The following SLC24A2 variants were observed in gnomAD, a reference collection of about 807,000 sequenced individuals.
SLC24A2 encodes solute carrier family 24 member 2.
In SLC24A2, 36 loss-of-function variants were observed where a neutral mutation model predicts 62.0. The ratio of observed to expected loss-of-function variants is 0.58; its 90% CI spans 0.44 to 0.77. The LOEUF (loss-of-function observed/expected upper bound fraction) is 0.77. Among genes scored for constraint, SLC24A2 ranks in the 30% least tolerant of loss-of-function variants. The pLI, the probability that SLC24A2 is intolerant of heterozygous loss-of-function variation, is 0.00. For synonymous variants in SLC24A2, 358 were observed against 294.0 expected (o/e 1.22, Z -2.23); for missense variants, 846 against 817.9 (o/e 1.03, Z -0.42).
chr9:19,791,534 G>T (rs1381527384), upstream of SLC24A2, among the ~76,000 whole-genome samples: 1 of 152,222 alleles, frequency 6.6e-6, no homozygotes, highest in Non-Finnish European at 1.5e-5. Flanking sequence ...TTCGACTCAA[G>T]ATTTGACAGT....
At chr9:19,894,707 A>G in the SLC24A2 span, among the ~76,000 whole-genome samples, 1 of 152,202 alleles carries the variant, frequency 6.6e-6, no homozygotes, top group Non-Finnish European at 1.5e-5. Context: ...AAGACAATAG[A>G]AAAAGAAAAA....
intron 9 of SLC24A2, among the ~76,000 whole-genome samples, chr9:19,522,310 T>C (rs1833241464): frequency 6.6e-6 from 1 of 152,330 alleles, no homozygotes; most frequent in African/African-American, 2.4e-5. Context: ...TTGGGACTTT[T>C]AAAACCTATT....
chr9:20,043,693 C>A, the SLC24A2 span, among the ~76,000 whole-genome samples: 55 of 152,256 alleles, frequency 3.6e-4, no homozygotes, highest in Middle Eastern at 3.4e-3. Flanking sequence ...ACCGAATGGC[C>A]ACAATCTCAT....
chr9:19,548,575 C>T (rs1834693524), intron 8 of SLC24A2, among the ~76,000 whole-genome samples: 1 of 152,204 alleles, frequency 6.6e-6, no homozygotes, highest in Admixed American at 6.5e-5. Context: ...TCTTGCCAAT[C>T]TGAGTTGAAA....
the SLC24A2 span, among the ~76,000 whole-genome samples, chr9:20,146,747 T>G: frequency 3.3e-5 from 5 of 152,132 alleles, no homozygotes; most frequent in Non-Finnish European, 5.9e-5. Context: ...CAATTCCAAA[T>G]GCAGGTAACC....
At chr9:19,947,364 GGAAA>G in the SLC24A2 span, among the ~76,000 whole-genome samples, 7 of 146,242 alleles carry the variant, frequency 4.8e-5, no homozygotes, top group Non-Finnish European at 1.0e-4. Flanking sequence ...AAGGAAGGAA[GGAAA>G]GAAGGAAGGA....
the SLC24A2 span, among the ~76,000 whole-genome samples, chr9:20,253,170 G>A: frequency 2.0e-5 from 3 of 152,198 alleles, no homozygotes; most frequent in Non-Finnish European, 4.4e-5. Context: ...TTCTAAAGCA[G>A]GGCAAAGAAA....
chr9:19,939,374 C>T, the SLC24A2 span, among the ~76,000 whole-genome samples: 1 of 152,176 alleles, frequency 6.6e-6, no homozygotes, highest in East Asian at 1.9e-4. Flanking sequence ...ATCTGTACAG[C>T]ATGTTACTGT....
the SLC24A2 span, among the ~76,000 whole-genome samples, chr9:20,297,326 T>G: frequency 6.6e-6 from 1 of 152,078 alleles, no homozygotes; most frequent in African/African-American, 2.4e-5. Context: ...ACATTAACCC[T>G]GATGAAGGAG....
chr9:19,773,319 A>C (rs1032647688), intron 2 of SLC24A2, among the ~76,000 whole-genome samples: 1 of 152,236 alleles, frequency 6.6e-6, no homozygotes, highest in African/African-American at 2.4e-5. Context: ...AATGAATTAC[A>C]TCTCAGAAAA....
chr9:19,634,974 G>C (rs1334564733), intron 2 of SLC24A2, among the ~76,000 whole-genome samples: 1 of 152,120 alleles, frequency 6.6e-6, no homozygotes, highest in African/African-American at 2.4e-5. Context: ...GATGATGCTG[G>C]AGATTCACCC....
At chr9:19,987,725 A>G in the SLC24A2 span, among the ~76,000 whole-genome samples, 1 of 152,216 alleles carries the variant, frequency 6.6e-6, no homozygotes, top group Non-Finnish European at 1.5e-5. Flanking sequence ...TGTTAGCCTG[A>G]TAATCCTGCA....
At chr9:19,829,267 GC>G in the SLC24A2 span, among the ~76,000 whole-genome samples, 1 of 152,108 alleles carries the variant, frequency 6.6e-6, no homozygotes, top group Admixed American at 6.6e-5. Context: ...ACTTGCAATG[GC>G]CATATGAAGG....
chr9:20,101,027 T>G, the SLC24A2 span, among the ~76,000 whole-genome samples: 3 of 152,210 alleles, frequency 2.0e-5, no homozygotes, highest in African/African-American at 7.2e-5. Flanking sequence ...TTCCAGAATT[T>G]TGCGGAAACC....
chr9:20,225,882 C>A, the SLC24A2 span, among the ~76,000 whole-genome samples: 1 of 151,694 alleles, frequency 6.6e-6, no homozygotes, highest in Non-Finnish European at 1.5e-5. Context: ...TTTACTCTCC[C>A]AAATCCTTTA....
intron 7 of SLC24A2, among the ~76,000 whole-genome samples, chr9:19,553,701 C>T (rs949455847): frequency 6.6e-6 from 1 of 152,182 alleles, no homozygotes; most frequent in Non-Finnish European, 1.5e-5. Flanking sequence ...GGGTAGTTAC[C>T]ACCAACACCT....
the SLC24A2 span, among the ~76,000 whole-genome samples, chr9:19,997,831 T>G: frequency 6.6e-6 from 1 of 152,204 alleles, no homozygotes; most frequent in African/African-American, 2.4e-5. Context: ...AATTTGCCTG[T>G]GTCCCTCACT....
chr9:19,657,924 C>T (rs62563287), intron 2 of SLC24A2, among the ~76,000 whole-genome samples: 15,239 of 152,142 alleles, frequency 0.1, 801 homozygotes, highest in South Asian at 0.12. Context: ...GAGATGAGGT[C>T]TCACTATGTT....
Position 19,550,155 on chromosome 9 carries a change from T to C in SLC24A2, c.1461A>G (p.Leu487=), listed in dbSNP as rs562795625. 1.2e-6 allele frequency: 2 copies of C among 1,614,040 alleles called. No homozygotes were observed. The highest frequency in any genetic ancestry group is 2.7e-5 in the African/African-American group (2 of 75,028). The change falls in exon 8 of 11, where the codon TTA becomes TTG. Residue 487 remains leucine, a synonymous_variant. Coordinates refer to ENST00000341998, the MANE Select transcript of SLC24A2 (RefSeq NM_020344.4). ...FPIVFPLWIT[L]PDVRKPSSRK... is the part of the protein sequence containing the mutation. ...TACTTACAGGTTTGCGAACGTCAGG[T>C]AACGTAATCCAGAGAGGAAACACTA...
Sources: gnomAD v4.1 joint callset for allele counts (sites outside exome capture counted in the v4.1 genomes callset) on GRCh38, gnomAD v4.1.1 for gene constraint, MANE v1.5 for transcripts, NCBI Gene and HGNC (gene_info 2026-07-23, HGNC 2026-07-21) for gene names.